The following HOOK3 variants were observed in gnomAD, a reference collection of about 807,000 sequenced individuals.
HOOK3 encodes the protein hook microtubule tethering protein 3, also known as protein Hook homolog 3.
Under a neutral mutation model 116.3 loss-of-function variants are expected in HOOK3, and 24 were observed. That is an observed-to-expected ratio of 0.21 (90% CI 0.15 to 0.29). The LOEUF (loss-of-function observed/expected upper bound fraction) is 0.29. Among genes scored for constraint, HOOK3 ranks in the 10% least tolerant of loss-of-function variants. The pLI, the probability that HOOK3 is intolerant of heterozygous loss-of-function variation, is 1.00. For synonymous variants in HOOK3, 275 were observed against 283.0 expected (o/e 0.97, Z 0.28); for missense variants, 632 against 830.2 (o/e 0.76, Z 2.93).
At chr8:42,905,134 T>C (rs1012827516) in intron 1 of HOOK3, among the ~76,000 whole-genome samples, 3 of 152,126 alleles carry the variant, frequency 2.0e-5, no homozygotes, top group Non-Finnish European at 2.9e-5. Context: ...AACCTAACCA[T>C]TCTAAGTGTG....
rs151329345 is a variant in HOOK3, at chr8:42,906,215, G to A, written c.100G>A (p.Asp34Asn). ...NVDAPCQTVE[D>N]LTNGVVMAQV... is the part of the protein sequence containing the mutation. ...GGATGCACCATGCCAGACCGTGGAA[G>A]ATTTAACGAATGGGGTTGTGATGGC... The change falls in exon 2 of 22, where the codon GAT (aspartate) becomes AAT (asparagine). Residue 34 changes from aspartate to asparagine, a missense_variant. Coordinates refer to ENST00000307602, the MANE Select transcript of HOOK3 (RefSeq NM_032410.4). 8 of 1,596,084 alleles carry A rather than the reference G, an allele frequency of 5.0e-6. No individual in the cohort carries two copies. The highest frequency in any genetic ancestry group is 1.4e-5 in the African/African-American group (1 of 72,382).
In HOOK3 at chr8:42,947,844, T is replaced by TTG. The variant is rs34254144; in HGVS notation, c.401-2528_401-2527dup. ...TGGTTGTCATGAGGAGTGAATGAAA[T>TTG]TGTGTGTGTGTGTGTGTATGTGTGT... On this transcript the variant is annotated intron_variant, in intron 5 of 21. Transcript: ENST00000307602. Among the ~76,000 whole-genome samples the TTG allele has an allele frequency of 5.6e-3, 850 of 150,966 alleles. 12 individuals carry two copies. The highest frequency in any genetic ancestry group is 0.018 in the African/African-American group (732 of 41,240).
At chr8:42,946,091 C>A (rs1808220126) in intron 5 of HOOK3, among the ~76,000 whole-genome samples, 1 of 152,122 alleles carries the variant, frequency 6.6e-6, no homozygotes, top group Non-Finnish European at 1.5e-5. Context: ...ATTTTCTCTT[C>A]TATATTCAAT....
intron 6 of HOOK3, among the ~76,000 whole-genome samples, chr8:42,954,386 C>T (rs760356873): frequency 1.3e-5 from 2 of 151,956 alleles, no homozygotes; most frequent in Non-Finnish European, 2.9e-5. Context: ...AAACTCAGAC[C>T]AAGACTGGAC....
chr8:42,909,651 G>C (rs1310062781), intron 2 of HOOK3, among the ~76,000 whole-genome samples: 1 of 152,156 alleles, frequency 6.6e-6, no homozygotes, highest in Non-Finnish European at 1.5e-5. Context: ...TTGTTGTAGA[G>C]ATGGGGTCTC....
Position 43,022,095 on chromosome 8 carries a change from A to AC in HOOK3, c.*3597_*3598insC, listed in dbSNP as rs1190509121. On this transcript the variant is annotated 3_prime_UTR_variant, in exon 22 of 22. Coordinates refer to ENST00000307602, the MANE Select transcript of HOOK3 (RefSeq NM_032410.4). ...CAAAACAGGCTGTTGTAAAAAAAAA[A>AC]AAAAAAAAAACTTCTGAATATACTT... The AC allele has an allele frequency of 5.0e-6, 1 of 200,494 alleles. No individual in the cohort carries two copies. The highest frequency in any genetic ancestry group is 2.3e-5 in the African/African-American group (1 of 43,422). The allele number at this position is 200,494 out of a possible 1,614,324, so 12.4% of individuals were successfully genotyped here.
chr8:42,938,517 G>T (rs995488431), intron 4 of HOOK3, among the ~76,000 whole-genome samples: 2 of 151,966 alleles, frequency 1.3e-5, no homozygotes, highest in Non-Finnish European at 1.5e-5. Context: ...GTATGTTTTT[G>T]CAGTGGCTGG....
At chr8:42,924,656 CTT>C (rs1807727660) in intron 2 of HOOK3, among the ~76,000 whole-genome samples, 1 of 152,076 alleles carries the variant, frequency 6.6e-6, no homozygotes, top group Non-Finnish European at 1.5e-5. Context: ...TTTTAACTTT[CTT>C]TATATATTTA....
At chr8:42,928,715 C>CTTTA (rs1344578344) in intron 3 of HOOK3, among the ~76,000 whole-genome samples, 3 of 152,068 alleles carry the variant, frequency 2.0e-5, no homozygotes, top group Non-Finnish European at 2.9e-5. Flanking sequence ...ATATTTTATG[C>CTTTA]TTTACTTCAG....
intron 1 of HOOK3, among the ~76,000 whole-genome samples, chr8:42,898,172 G>A (rs1271234801): frequency 6.6e-6 from 1 of 152,180 alleles, no homozygotes; most frequent in African/African-American, 2.4e-5. Flanking sequence ...AAGGCACTTT[G>A]CTGGAAAGGC....
At chr8:42,970,693 A>G (rs145991782) in intron 11 of HOOK3, among the ~76,000 whole-genome samples, 2 of 152,118 alleles carry the variant, frequency 1.3e-5, no homozygotes, top group African/African-American at 2.4e-5. Flanking sequence ...TGATTCTGCA[A>G]CCTTGCCAAA....
intron 4 of HOOK3, among the ~76,000 whole-genome samples, chr8:42,933,781 T>C (rs1807914444): frequency 6.6e-6 from 1 of 152,220 alleles, no homozygotes; most frequent in African/African-American, 2.4e-5. Flanking sequence ...CATTCCTCTG[T>C]ATTTTGAAAT....
rs1178459989 is a variant in HOOK3 at position 43,024,002 on chromosome 8, T to G, written c.*5504T>G. 1 of 202,368 alleles carries G rather than the reference T, an allele frequency of 4.9e-6. No homozygotes were observed. The highest frequency in any genetic ancestry group is 1.0e-5 in the Non-Finnish European group (1 of 98,512). 12.5% of individuals were successfully genotyped at this position (202,368 alleles called of 1,614,324 possible). A position where few individuals can be genotyped will look rare whatever the true frequency, so the allele number is the denominator to read the frequency against. ...GTCTCCTATTATCTAGATCTCTGAGTCCAGGATAACTCCAGTTATCCCCAG... is the reference window on the plus strand; with the variant it reads ...GTCTCCTATTATCTAGATCTCTGAGGCCAGGATAACTCCAGTTATCCCCAG... On this transcript the variant is annotated 3_prime_UTR_variant, in exon 22 of 22. Coordinates refer to ENST00000307602, the MANE Select transcript of HOOK3 (RefSeq NM_032410.4).
chr8:42,941,517 CAAAAAAAAAAAAAA>C (rs960451235), intron 4 of HOOK3, among the ~76,000 whole-genome samples: 1 of 44,028 alleles, frequency 2.3e-5, no homozygotes, highest in Admixed American at 2.1e-4. Context: ...GACTCCGTCT[CAAAAAAAAAAAAAA>C]AAAAAAAAAG....
chr8:42,978,478 TAAG>T (rs1808870569), intron 13 of HOOK3, among the ~76,000 whole-genome samples: 1 of 151,464 alleles, frequency 6.6e-6, no homozygotes, highest in Non-Finnish European at 1.5e-5. Flanking sequence ...TGGCGCTATC[TAAG>T]CTCAGTGTAA....
chr8:42,927,242 CTGGTTTTTTTTTTTTTT>C (rs1313045792), intron 3 of HOOK3, among the ~76,000 whole-genome samples: 97 of 137,832 alleles, frequency 7.0e-4, no homozygotes, highest in Middle Eastern at 3.7e-3. Context: ...TTTAATGGCA[CTGGTTTTTTTTTTTTTT>C]TGGTTTTTTT....
At chr8:42,939,548 C>G (rs1456631375) in intron 4 of HOOK3, among the ~76,000 whole-genome samples, 17 of 146,682 alleles carry the variant, frequency 1.2e-4, no homozygotes, top group Non-Finnish European at 2.0e-4. Context: ...CCCTCCCGGA[C>G]AGGGCGGCTG....
In HOOK3 at chr8:43,013,125, G is replaced by T. The variant is rs776269305; in HGVS notation, c.1914G>T (p.Gln638His). ...TACAAGCTCTTAAAAATCAGCTCCA[G>T]GAACGAGACCGACTGTTCCACTCAT... ...PEIQALKNQL[Q>H]ERDRLFHSLE... The change falls in exon 20 of 22, where the codon CAG becomes CAT. Residue 638 changes from glutamine (Q) to histidine (H), a missense_variant. By Grantham distance (24) the Gln-to-His change is conservative. Around this residue, in one of 3 missense-constraint regions of HOOK3, gnomAD observed 483 missense variants for 648.1 expected, o/e 0.75. Transcript: ENST00000307602. 5.0e-6 allele frequency: 8 copies of T among 1,612,420 alleles called. No individual in the cohort carries two copies. In the South Asian group the frequency reaches 8.8e-5, roughly 18 times the overall value.
chr8:43,002,286 G>A, intron 17 of HOOK3, 145 bp downstream of exon 17: 1 of 551,802 alleles, frequency 1.8e-6, no homozygotes, highest in Non-Finnish European at 3.3e-6. Context: ...AGTCTGAAGG[G>A]TCACTTCTCC....
Sources: allele counts gnomAD v4.1 joint callset (sites outside exome capture counted in the v4.1 genomes callset), GRCh38; gene constraint gnomAD v4.1.1; regional missense constraint gnomAD v4.1.1; transcripts MANE v1.5; gene names NCBI Gene and HGNC (gene_info 2026-07-23, HGNC 2026-07-21).